The following UCK2 variants were observed in gnomAD, a reference collection of about 807,000 sequenced individuals.
The protein encoded by UCK2 is uridine-cytidine kinase 2, also known as cytidine monophosphokinase 2.
A neutral mutation model predicts 30.8 loss-of-function variants in UCK2; 6 were observed. The ratio of observed to expected loss-of-function variants is 0.19; its 90% CI spans 0.11 to 0.38. The LOEUF is 0.38. UCK2 is among the 10% of genes least tolerant of loss of function. The pLI is 1.00. For synonymous variants in UCK2, 125 were observed against 133.6 expected, an observed-to-expected ratio of 0.94 and a Z score of 0.45; for missense variants, 210 against 339.8, an observed-to-expected ratio of 0.62 and a Z score of 3.00.
intron 1 of UCK2, among the ~76,000 whole-genome samples, chr1:165,853,771 T>G (rs560223137): frequency 3.3e-4 from 50 of 152,216 alleles, no homozygotes; most frequent in Admixed American, 5.9e-4. Flanking sequence ...TTCTTATCTC[T>G]GTGCTGTAAT....
chr1:165,881,657 A>C (rs1655503651), intron 1 of UCK2, among the ~76,000 whole-genome samples: 1 of 152,250 alleles, frequency 6.6e-6, no homozygotes, highest in Non-Finnish European at 1.5e-5. Flanking sequence ...AAATATAACC[A>C]AGTATATGTA....
intron 3 of UCK2, among the ~76,000 whole-genome samples, chr1:165,895,080 G>A (rs1026755615): frequency 4.6e-5 from 7 of 152,160 alleles, no homozygotes; most frequent in South Asian, 2.1e-4. Flanking sequence ...ACAGCCCGTC[G>A]CCTAACCGTT....
rs143124290 is a variant in UCK2, at chr1:165,860,957, A to G, written c.100-29247A>G. On this transcript the variant is annotated intron_variant, in intron 1 of 6. Transcript: ENST00000367879. ...GAAAAATAAAAGAAAGCATCTGTCC[A>G]GTCTACTATAATAAAATAGCTTAGA... Among the ~76,000 whole-genome samples the G allele has an allele frequency of 1.6e-3, 250 of 152,318 alleles. 1 individual carries two copies. The highest frequency in any genetic ancestry group is 5.8e-3 in the African/African-American group (243 of 41,570).
chr1:165,895,367 A>G (rs886862260), intron 3 of UCK2: 1 of 555,082 alleles, frequency 1.8e-6, no homozygotes, highest in African/African-American at 2.0e-5. Flanking sequence ...TGAGTCCAAG[A>G]TTGCGCCGCT....
At position 165,906,940 on chromosome 1, in the gene UCK2, A is replaced by G. The variant is rs145385809; in HGVS notation, c.647-744A>G. Among the ~76,000 whole-genome samples the G allele has an allele frequency of 6.6e-5, 10 of 152,354 alleles. No homozygotes were observed. In the East Asian group the frequency reaches 1.7e-3, roughly 26 times the overall value. ...TAAATTCAAGACATTTACCATTGAT[A>G]TGACCTCTTTTAACCTGGAGATGTT... On this transcript the variant is annotated intron_variant, in intron 6 of 6. Transcript: ENST00000367879.
chr1:165,829,881 G>T (rs1291841940), intron 1 of UCK2, among the ~76,000 whole-genome samples: 4 of 152,194 alleles, frequency 2.6e-5, no homozygotes, highest in African/African-American at 4.8e-5. Context: ...TTGAGACAAG[G>T]TCTCGCATTT....
chr1:165,890,078 C>A, intron 1 of UCK2, 126 bp from the exon 2 acceptor site: 1 of 1,026,280 alleles, frequency 9.7e-7, no homozygotes, highest in Non-Finnish European at 1.5e-6. Flanking sequence ...ACGATAGCTG[C>A]CTTTGGATTC....
At chr1:165,835,126 C>G (rs1042307041) in intron 1 of UCK2, among the ~76,000 whole-genome samples, 1 of 152,080 alleles carries the variant, frequency 6.6e-6, no homozygotes, top group Admixed American at 6.6e-5. Context: ...TTGCTTTTCC[C>G]TGGGAGTGGA....
Position 165,843,941 on chromosome 1 carries a change from A to G in UCK2, c.99+16009A>G, listed in dbSNP as rs145023494. Among the ~76,000 whole-genome samples, 1,260 of 152,218 alleles carry G rather than the reference A, an allele frequency of 8.3e-3. 57 individuals carry two copies. The highest frequency in any genetic ancestry group is 0.074 in the Admixed American group (1,129 of 15,276). ...CGTGTTTATTGTTTATCTCTTTTCA[A>G]TGTATTTCTTTTGGTAATAGCTAAT... On this transcript the variant is annotated intron_variant, in intron 1 of 6. Coordinates refer to ENST00000367879, the MANE Select transcript of UCK2 (RefSeq NM_012474.5).
chr1:165,891,992 C>G (rs1037137772), intron 3 of UCK2: 1 of 151,686 alleles, frequency 6.6e-6, no homozygotes, highest in African/African-American at 2.4e-5. Context: ...AGAACACACA[C>G]ATCTTCCCAT....
rs79088979 is a variant in UCK2 at position 165,886,522 on chromosome 1, T to G, written c.100-3682T>G. ...GTTGCCCACCCTGGGCTTGAACTCC[T>G]GGGCTCAAGTGATCCTCCTGCCCTA... On this transcript the variant is annotated intron_variant, in intron 1 of 6. Coordinates refer to ENST00000367879, the MANE Select transcript of UCK2 (RefSeq NM_012474.5). Among the ~76,000 whole-genome samples the G allele has an allele frequency of 9.0e-3, 1,375 of 152,328 alleles. 33 individuals carry two copies. The highest frequency in any genetic ancestry group is 0.05 in the Admixed American group (772 of 15,302).
intron 1 of UCK2, among the ~76,000 whole-genome samples, chr1:165,836,400 G>A (rs1654192596): frequency 6.6e-6 from 1 of 152,122 alleles, no homozygotes; most frequent in Non-Finnish European, 1.5e-5. Context: ...TAAGCTTTAA[G>A]GAACCCTGTT....
At chr1:165,867,276 G>A (rs949277834) in intron 1 of UCK2, among the ~76,000 whole-genome samples, 1 of 152,156 alleles carries the variant, frequency 6.6e-6, no homozygotes, top group Non-Finnish European at 1.5e-5. Context: ...TAGTGATGCC[G>A]GAAGGCTAGG....
chr1:165,830,492 T>C (rs1333638679), intron 1 of UCK2, among the ~76,000 whole-genome samples: 2 of 151,438 alleles, frequency 1.3e-5, no homozygotes, highest in African/African-American at 2.4e-5. Flanking sequence ...GCCTGGCCAA[T>C]GTTTTTGTAT....
intron 4 of UCK2, among the ~76,000 whole-genome samples, 192 bp downstream of exon 4, chr1:165,896,524 C>T (rs1272019822): frequency 1.3e-5 from 2 of 152,190 alleles, no homozygotes; most frequent in African/African-American, 4.8e-5. Flanking sequence ...CACTTGGTAA[C>T]ATTTGAGAAG....
At position 165,910,543 on chromosome 1, in the gene UCK2, G is replaced by A. The variant is rs1449299355; in HGVS notation, c.*2720G>A. On this transcript the variant is annotated 3_prime_UTR_variant, in exon 7 of 7. Transcript: ENST00000367879. ...GAAGCATTATGTCACAGGAAGGCCT[G>A]GCCTCTCACTCCTTCACACTAATGA... 6.6e-6 allele frequency: 1 copy of A among 152,268 alleles called. No individual in the cohort carries two copies. The highest frequency in any genetic ancestry group is 1.5e-5 in the Non-Finnish European group (1 of 68,102). The allele number at this position is 152,268 out of a possible 1,614,324, so 9.4% of individuals were successfully genotyped here. A position where few individuals can be genotyped will look rare whatever the true frequency, so the allele number is the denominator to read the frequency against.
intron 1 of UCK2, among the ~76,000 whole-genome samples, chr1:165,877,702 A>G (rs1019604259): frequency 6.6e-6 from 1 of 152,198 alleles, no homozygotes; most frequent in Non-Finnish European, 1.5e-5. Flanking sequence ...TGGCTCTAAC[A>G]AAGCTTCTAT....
chr1:165,874,602 A>T (rs1046331321), intron 1 of UCK2, among the ~76,000 whole-genome samples: 2 of 152,070 alleles, frequency 1.3e-5, no homozygotes, highest in African/African-American at 4.8e-5. Context: ...CCACTCTCAG[A>T]TTTCTTAGCC....
intron 1 of UCK2, among the ~76,000 whole-genome samples, chr1:165,875,661 C>G (rs1252229749): frequency 6.6e-6 from 1 of 152,178 alleles, no homozygotes; most frequent in East Asian, 1.9e-4. Context: ...GATTAATTTG[C>G]TGGAGTGGCT....
Sources: gnomAD v4.1 joint callset for allele counts (sites outside exome capture counted in the v4.1 genomes callset) on GRCh38, gnomAD v4.1.1 for gene constraint, MANE v1.5 for transcripts, NCBI Gene and HGNC (gene_info 2026-07-23, HGNC 2026-07-21) for gene names.